The following ADIPOR2 variants were observed in gnomAD, a reference collection of about 807,000 sequenced individuals.
ADIPOR2 encodes adiponectin receptor protein 2.
Under a neutral mutation model 40.9 loss-of-function variants are expected in ADIPOR2, and 18 were observed. The ratio of observed to expected loss-of-function variants is 0.44; its 90% CI spans 0.30 to 0.65. ADIPOR2 has a LOEUF of 0.65. Among genes scored for constraint, ADIPOR2 ranks in the 30% least tolerant of loss-of-function variants. The pLI, the probability that ADIPOR2 is intolerant of heterozygous loss-of-function variation, is 0.09. For missense variants in ADIPOR2, 283 were observed against 479.2 expected (o/e 0.59, Z 3.82); for synonymous variants, 165 against 166.4 (o/e 0.99, Z 0.06).
intron 1 of ADIPOR2, among the ~76,000 whole-genome samples, chr12:1,731,835 G>T (rs1321150166): frequency 6.6e-6 from 1 of 152,150 alleles, no homozygotes; most frequent in Non-Finnish European, 1.5e-5. Flanking sequence ...TGGCTGGCGT[G>T]TGCTTGTAAT....
intron 3 of ADIPOR2, among the ~76,000 whole-genome samples, chr12:1,776,223 G>C (rs947629211): frequency 3.9e-5 from 6 of 152,212 alleles, no homozygotes; most frequent in African/African-American, 1.2e-4. Flanking sequence ...ACAAATATCT[G>C]TAAGGAAGTA....
chr12:1,758,774 A>C (rs1363754991), intron 2 of ADIPOR2, among the ~76,000 whole-genome samples: 1 of 152,148 alleles, frequency 6.6e-6, no homozygotes, highest in Non-Finnish European at 1.5e-5. Flanking sequence ...TTTGAAGTTG[A>C]AACATCTGAA....
At chr12:1,747,071 A>C (rs950748767) in intron 1 of ADIPOR2, among the ~76,000 whole-genome samples, 59 of 146,706 alleles carry the variant, frequency 4.0e-4, no homozygotes, top group African/African-American at 9.5e-4. Context: ...AAAAAATAAA[A>C]AAAACAAAAC....
Position 1,786,335 on chromosome 12 carries a change from T to C in ADIPOR2, c.*263T>C, listed in dbSNP as rs1862834529. On this transcript the variant is annotated 3_prime_UTR_variant, in exon 8 of 8. Coordinates refer to ENST00000357103, the MANE Select transcript of ADIPOR2 (RefSeq NM_024551.3). ...TGGCTTATTCTTGGGATCTACTGAT[T>C]GCGGGCTCTGCAAGACCCTTGGCAA... The C allele has an allele frequency of 4.9e-6, 2 of 407,046 alleles. No individual in the cohort carries two copies. The highest frequency in any genetic ancestry group is 9.9e-5 in the South Asian group (2 of 20,194). 25.2% of individuals were successfully genotyped at this position (407,046 alleles called of 1,614,324 possible).
chr12:1,754,395 G>T lies in ADIPOR2; in HGVS notation c.52G>T (p.Asp18Tyr), dbSNP rs374120661. 6.2e-7 allele frequency: 1 copy of T among 1,613,318 alleles called. No individual in the cohort carries two copies. Among genetic ancestry groups the T allele is most frequent in the Non-Finnish European group, 8.5e-7 (1 of 1,179,710 alleles). Reference sequence around the variant, plus strand: ...GGGGTGCAGCAGGACTCCAGAGCCAGATATAAGGCTCAGAAAAGGGCACCA... The same window carrying T: ...GGGGTGCAGCAGGACTCCAGAGCCATATATAAGGCTCAGAAAAGGGCACCA... ...RLGCSRTPEPDIRLRKGHQLD... is the reference protein window; with the variant it reads ...RLGCSRTPEPYIRLRKGHQLD... The change falls in exon 2 of 8, where the codon GAT becomes TAT. Residue 18 changes from aspartate (D) to tyrosine (Y), a missense_variant. This residue lies in a region of ADIPOR2 where 65 missense variants were observed against 79.9 expected (regional missense o/e 0.81). Coordinates refer to ENST00000357103, the MANE Select transcript of ADIPOR2 (RefSeq NM_024551.3).
At chr12:1,738,238 A>G (rs987084784) in intron 1 of ADIPOR2, among the ~76,000 whole-genome samples, 3 of 148,634 alleles carry the variant, frequency 2.0e-5, no homozygotes, top group African/African-American at 7.4e-5. Flanking sequence ...AAAGTTAACC[A>G]GGCATGGTGG....
chr12:1,766,003 A>G lies in ADIPOR2; in HGVS notation c.172-6839A>G, dbSNP rs12310701. On this transcript the variant is annotated intron_variant, in intron 2 of 7. Coordinates refer to ENST00000357103, the MANE Select transcript of ADIPOR2 (RefSeq NM_024551.3). Reference sequence around the variant, plus strand: ...ACACATGGATGCTTTTAATCCTTCTACAAATGTTTTTAGTTTCTTTACCAT... The same window carrying G: ...ACACATGGATGCTTTTAATCCTTCTGCAAATGTTTTTAGTTTCTTTACCAT... Among the ~76,000 whole-genome samples, 647 of 152,298 alleles carry G rather than the reference A, an allele frequency of 4.2e-3. 5 individuals carry two copies. Among genetic ancestry groups the G allele is most frequent in the African/African-American group, 0.015 (612 of 41,558 alleles).
intron 3 of ADIPOR2, among the ~76,000 whole-genome samples, chr12:1,774,323 G>A (rs1862543578): frequency 6.6e-6 from 1 of 152,138 alleles, no homozygotes; most frequent in African/African-American, 2.4e-5. Flanking sequence ...GAATAAATAG[G>A]GCAGGACATT....
At chr12:1,729,617 G>GTTTTTTTTTTTTTTTTTTTTTTTT (rs56921758) in intron 1 of ADIPOR2, among the ~76,000 whole-genome samples, 1 of 88,992 alleles carries the variant, frequency 1.1e-5, no homozygotes, top group African/African-American at 4.9e-5. Context: ...TCAGCCAGTT[G>GTTTTTTTTTTTTTTTTTTTTTTTT]TTTTTTTTTT....
chr12:1,710,851 A>G (rs2094675213), intron 1 of ADIPOR2, among the ~76,000 whole-genome samples: 1 of 152,024 alleles, frequency 6.6e-6, no homozygotes, highest in Non-Finnish European at 1.5e-5. Flanking sequence ...CATTTGTAAG[A>G]CCATCTATAG....
chr12:1,750,485 T>C (rs745375122), intron 1 of ADIPOR2, among the ~76,000 whole-genome samples: 9 of 151,810 alleles, frequency 5.9e-5, no homozygotes, highest in Non-Finnish European at 1.0e-4. Context: ...GGAGGATCCG[T>C]TGAGCCCAGG....
chr12:1,756,342 G>T (rs1862130877), intron 2 of ADIPOR2, among the ~76,000 whole-genome samples: 1 of 151,832 alleles, frequency 6.6e-6, no homozygotes, highest in South Asian at 2.1e-4. Flanking sequence ...GTAGAGACGG[G>T]GTTTCACCAT....
At chr12:1,744,529 G>A (rs1453068086) in intron 1 of ADIPOR2, among the ~76,000 whole-genome samples, 1 of 151,924 alleles carries the variant, frequency 6.6e-6, no homozygotes, top group East Asian at 1.9e-4. Flanking sequence ...TAGAGATGGG[G>A]TTTCACCATG....
intron 4 of ADIPOR2, 63 bp downstream of exon 4, chr12:1,778,088 T>G (rs1862636725): frequency 6.5e-7 from 1 of 1,530,018 alleles, no homozygotes; most frequent in Non-Finnish European, 8.8e-7. Flanking sequence ...TTTTCATGTA[T>G]TTGAGGGTAA....
rs1862064840 is a variant in ADIPOR2 at position 1,754,272 on chromosome 12, C to T, written c.-72C>T. ...CATCTTCTTAGGATCAACTCACTAT[C>T]CTGAAGGTCCATTCTCCCAAGAAGA... On this transcript the variant is annotated 5_prime_UTR_variant, in exon 2 of 8. Coordinates refer to ENST00000357103, the MANE Select transcript of ADIPOR2 (RefSeq NM_024551.3). 1.4e-6 allele frequency: 2 copies of T among 1,408,068 alleles called. No homozygotes were observed. Among genetic ancestry groups the T allele is most frequent in the South Asian group, 1.8e-5 (1 of 56,004 alleles). The allele number at this position is 1,408,068 out of a possible 1,614,324, so 87.2% of individuals were successfully genotyped here.
chr12:1,757,633 C>A (rs2108642), intron 2 of ADIPOR2: 665,958 of 1,298,788 alleles, frequency 0.51, 173,417 homozygotes, highest in African/African-American at 0.68. Context: ...TTTTGTGCCC[C>A]CAGAGATTTT....
At chr12:1,749,289 C>T (rs936605909) in intron 1 of ADIPOR2, among the ~76,000 whole-genome samples, 2 of 152,106 alleles carry the variant, frequency 1.3e-5, no homozygotes, top group African/African-American at 4.8e-5. Context: ...ATGACATCAA[C>T]ATTCCTACCC....
chr12:1,783,024 G>T (rs1467780980), intron 6 of ADIPOR2, among the ~76,000 whole-genome samples: 3 of 113,986 alleles, frequency 2.6e-5, no homozygotes, highest in Non-Finnish European at 5.2e-5. Flanking sequence ...TTGCTTTGTA[G>T]CCCAGGCTGG....
At chr12:1,777,382 C>CTTTTTTTT (rs59141974) in intron 3 of ADIPOR2, among the ~76,000 whole-genome samples, 1 of 98,744 alleles carries the variant, frequency 1.0e-5, no homozygotes, top group Non-Finnish European at 2.1e-5. Context: ...TTTTTTCTTT[C>CTTTTTTTT]TTTTTTTTTT....
Sources: gnomAD v4.1 joint callset for allele counts (sites outside exome capture counted in the v4.1 genomes callset) on GRCh38, gnomAD v4.1.1 for gene constraint, gnomAD v4.1.1 regional missense constraint, MANE v1.5 for transcripts, NCBI Gene and HGNC (gene_info 2026-07-23, HGNC 2026-07-21) for gene names.